MAML2: variants seen among roughly 807,000 people sequenced by gnomAD.
MAML2 encodes the protein mastermind like transcriptional coactivator 2.
In MAML2, 22 loss-of-function variants were observed where a neutral mutation model predicts 96.1. The ratio of observed to expected loss-of-function variants is 0.23; its 90% CI spans 0.16 to 0.33. The LOEUF (loss-of-function observed/expected upper bound fraction) is 0.33. Ranked by LOEUF, MAML2 falls within the 10% of genes least tolerant of loss-of-function variation. The probability of loss-of-function intolerance (pLI) is 1.00; values close to 1 mark genes in which losing one functional copy is unlikely to be tolerated. For synonymous variants in MAML2, 561 were observed against 521.3 expected, an observed-to-expected ratio of 1.08 and a Z score of -1.04; for missense variants, 1,367 against 1,392.4, an observed-to-expected ratio of 0.98 and a Z score of 0.29.
chr11:96,078,436 A>G (rs12789363), intron 2 of MAML2, among the ~76,000 whole-genome samples: 49,378 of 152,104 alleles, frequency 0.32, 8,635 homozygotes, highest in Middle Eastern at 0.4. Flanking sequence ...AATTGTTCCT[A>G]CAGGAAAATC....
At chr11:96,272,532 A>G (rs1433327545) in intron 1 of MAML2, among the ~76,000 whole-genome samples, 5 of 152,210 alleles carry the variant, frequency 3.3e-5, no homozygotes, top group Non-Finnish European at 5.9e-5. Flanking sequence ...ACCAACATAT[A>G]TTTAAATACC....
At position 96,186,790 on chromosome 11, in the gene MAML2, A is replaced by G. The variant is rs182394191; in HGVS notation, c.514-93273T>C. Among the ~76,000 whole-genome samples the G allele has an allele frequency of 5.2e-3, 792 of 152,350 alleles. 7 individuals carry two copies. The highest frequency in any genetic ancestry group is 0.017 in the African/African-American group (718 of 41,580). On this transcript the variant is annotated intron_variant, in intron 1 of 4. Transcript: ENST00000524717. ...CAAGGCTACATAGTAGGTGAGTGTT[A>G]GAGTGGCAGTTTGAACCCAATAGCC...
At chr11:96,192,258 G>A (rs1861664363) in intron 1 of MAML2, among the ~76,000 whole-genome samples, 1 of 152,178 alleles carries the variant, frequency 6.6e-6, no homozygotes, top group African/African-American at 2.4e-5. Flanking sequence ...TGGGAAGAAT[G>A]CGATTTGCTC....
At chr11:96,272,499 G>A (rs1356150678) in intron 1 of MAML2, among the ~76,000 whole-genome samples, 4 of 152,128 alleles carry the variant, frequency 2.6e-5, no homozygotes, top group African/African-American at 9.7e-5. Context: ...GACATATTAT[G>A]AGTGGGAAAC....
intron 2 of MAML2, among the ~76,000 whole-genome samples, chr11:95,996,471 T>C (rs1857992141): frequency 6.6e-6 from 1 of 152,168 alleles, no homozygotes; most frequent in Non-Finnish European, 1.5e-5. Flanking sequence ...CCCTAGGGTC[T>C]GAAGGGTTTT....
intron 2 of MAML2, among the ~76,000 whole-genome samples, chr11:96,070,439 G>T (rs563565669): frequency 2.0e-5 from 3 of 152,352 alleles, no homozygotes; most frequent in South Asian, 4.1e-4. Context: ...CCAAGCCAGG[G>T]CTGGGACTCC....
chr11:96,099,964 C>T (rs1859897533), intron 1 of MAML2, among the ~76,000 whole-genome samples: 1 of 152,128 alleles, frequency 6.6e-6, no homozygotes, highest in African/African-American at 2.4e-5. Context: ...CCTTTAAACT[C>T]TGAAGTCACG....
At chr11:95,981,019 C>T (rs1002501840) in intron 4 of MAML2, among the ~76,000 whole-genome samples, 4 of 152,164 alleles carry the variant, frequency 2.6e-5, no homozygotes, top group Non-Finnish European at 1.5e-5. Flanking sequence ...GAAGTTCGTG[C>T]CATTTGCAGC....
At chr11:96,015,661 A>G (rs1480307772) in intron 2 of MAML2, among the ~76,000 whole-genome samples, 1 of 150,412 alleles carries the variant, frequency 6.6e-6, no homozygotes, top group Non-Finnish European at 1.5e-5. Flanking sequence ...CCTTTATGCC[A>G]TGGGGAAGAC....
intron 2 of MAML2, among the ~76,000 whole-genome samples, chr11:96,028,782 T>C (rs1313368873): frequency 6.6e-6 from 1 of 152,228 alleles, no homozygotes; most frequent in Non-Finnish European, 1.5e-5. Context: ...CAGTATAACA[T>C]TGCTGTCCTT....
chr11:96,013,592 G>T (rs1230096925), intron 2 of MAML2, among the ~76,000 whole-genome samples: 2 of 152,280 alleles, frequency 1.3e-5, no homozygotes, highest in East Asian at 3.9e-4. Flanking sequence ...ACCCCATCCT[G>T]GGCCTATAAA....
At chr11:96,152,915 C>T (rs1291923448) in intron 1 of MAML2, among the ~76,000 whole-genome samples, 1 of 152,196 alleles carries the variant, frequency 6.6e-6, no homozygotes, top group Non-Finnish European at 1.5e-5. Flanking sequence ...AAGGGAAATG[C>T]TCCATCTATC....
rs752973631 is a variant in MAML2 at position 96,166,154 on chromosome 11, GTC to G, written c.514-72639_514-72638del. 6.2e-3 allele frequency among the ~76,000 whole-genome samples: 704 copies of G among 113,766 alleles called. 4 individuals carry two copies. The highest frequency in any genetic ancestry group is 0.01 in the East Asian group (43 of 4,098). The allele number at this position is 113,766 out of a possible 152,430, so 74.6% of individuals were successfully genotyped here. A position where few individuals can be genotyped will look rare whatever the true frequency, so the allele number is the denominator to read the frequency against. On this transcript the variant is annotated intron_variant, in intron 1 of 4. Coordinates refer to ENST00000524717, the MANE Select transcript of MAML2 (RefSeq NM_032427.4). ...TTTCTCTGTCTCTCTCTCTCTGTCTGTCTCTCTCTCTCTCTCTCTCTCTCACA... is the reference window on the plus strand; with the variant it reads ...TTTCTCTGTCTCTCTCTCTCTGTCTGTCTCTCTCTCTCTCTCTCTCTCACA...
chr11:96,098,242 G>A (rs1171010052), intron 1 of MAML2, among the ~76,000 whole-genome samples: 1 of 152,146 alleles, frequency 6.6e-6, no homozygotes, highest in East Asian at 1.9e-4. Flanking sequence ...AAGAGACAAA[G>A]GTCATTCGGT....
intron 1 of MAML2, among the ~76,000 whole-genome samples, chr11:96,219,899 C>T (rs1048019249): frequency 1.3e-5 from 2 of 152,124 alleles, no homozygotes; most frequent in African/African-American, 4.8e-5. Context: ...GCTGAGATTA[C>T]AGGTGTGAGC....
intron 1 of MAML2, among the ~76,000 whole-genome samples, chr11:96,159,404 A>ATTTTTTTTTTTTTT (rs1157893034): frequency 0.022 from 1,341 of 61,822 alleles, 286 homozygotes; most frequent in East Asian, 0.039. Flanking sequence ...TAAACCACTG[A>ATTTTTTTTTTTTTT]TTCTTTTTTT....
chr11:96,274,077 CTTTTTTTTTTTT>C (rs992096555), intron 1 of MAML2, among the ~76,000 whole-genome samples: 1 of 91,792 alleles, frequency 1.1e-5, no homozygotes, highest in Non-Finnish European at 2.1e-5. Context: ...TTTCCTTTTC[CTTTTTTTTTTTT>C]TTTTTTTTTT....
intron 1 of MAML2, among the ~76,000 whole-genome samples, chr11:96,243,035 GACACACACACACACACATACAC>G (rs1449274620): frequency 9.2e-4 from 138 of 150,078 alleles, no homozygotes; most frequent in African/African-American, 3.0e-3. Flanking sequence ...CCAGTTCAGG[GACACACACACACACACATACAC>G]ATACACACAC....
chr11:96,303,073 T>C (rs866505232), intron 1 of MAML2, among the ~76,000 whole-genome samples: 2 of 152,222 alleles, frequency 1.3e-5, no homozygotes, highest in African/African-American at 4.8e-5. Context: ...AAATGCTTTA[T>C]AAAATGGCCC....
Sources: allele counts gnomAD v4.1 joint callset (sites outside exome capture counted in the v4.1 genomes callset), GRCh38; gene constraint gnomAD v4.1.1; transcripts MANE v1.5; gene names NCBI Gene and HGNC (gene_info 2026-07-23, HGNC 2026-07-21).